The following NOS1AP variants were observed in gnomAD, a reference collection of about 807,000 sequenced individuals.
NOS1AP encodes carboxyl-terminal PDZ ligand of neuronal nitric oxide synthase protein.
NOS1AP carries 21 observed loss-of-function variants against 56.2 expected under a neutral mutation model. The observed-to-expected ratio is 0.37, with a 90% CI of 0.26 to 0.54. The LOEUF is 0.54. NOS1AP is among the 20% of genes least tolerant of loss of function. NOS1AP has a pLI of 0.84. For synonymous variants in NOS1AP, 270 were observed against 274.6 expected (o/e 0.98, Z 0.17); for missense variants, 522 against 657.8 (o/e 0.79, Z 2.26).
At chr1:162,243,637 C>T (rs1312518857) in intron 2 of NOS1AP, among the ~76,000 whole-genome samples, 1 of 152,136 alleles carries the variant, frequency 6.6e-6, no homozygotes, top group African/African-American at 2.4e-5. Context: ...TATGATTTCA[C>T]CAGAAATATC....
chr1:162,352,740 T>C (rs1205786518), intron 6 of NOS1AP, among the ~76,000 whole-genome samples: 1 of 151,778 alleles, frequency 6.6e-6, no homozygotes, highest in Non-Finnish European at 1.5e-5. Flanking sequence ...AATCCCATCA[T>C]GAGGACTGCA....
intron 1 of NOS1AP, among the ~76,000 whole-genome samples, chr1:162,077,681 G>A (rs578168314): frequency 4.6e-5 from 7 of 151,126 alleles, no homozygotes; most frequent in Non-Finnish European, 1.0e-4. Flanking sequence ...TCTTAATTAT[G>A]CCCTTCACTC....
At chr1:162,142,418 G>A (rs112133087) in intron 1 of NOS1AP, among the ~76,000 whole-genome samples, 20 of 152,022 alleles carry the variant, frequency 1.3e-4, no homozygotes, top group Non-Finnish European at 1.5e-4. Flanking sequence ...GTGTTTCTGC[G>A]TGTGTGTGTG....
rs370924836 is a variant in NOS1AP at position 162,232,526 on chromosome 1, T to C, written c.178-54818T>C. On this transcript the variant is annotated intron_variant, in intron 2 of 9. Transcript: ENST00000361897. ...TGAAGAGTGTTGTGATCTTCTTTTGTGCTTAGAGTGTGTGTGTGTGTGTGT... is the reference window on the plus strand; with the variant it reads ...TGAAGAGTGTTGTGATCTTCTTTTGCGCTTAGAGTGTGTGTGTGTGTGTGT... Among the ~76,000 whole-genome samples the C allele has an allele frequency of 3.8e-3, 565 of 147,244 alleles. 2 individuals carry two copies. The highest frequency in any genetic ancestry group is 0.014 in the African/African-American group (544 of 39,014).
chr1:162,195,405 A>G (rs1363351825), intron 2 of NOS1AP, among the ~76,000 whole-genome samples: 1 of 152,126 alleles, frequency 6.6e-6, no homozygotes, highest in East Asian at 1.9e-4. Flanking sequence ...GACCCTTGAA[A>G]ACACTAGTAA....
intron 1 of NOS1AP, among the ~76,000 whole-genome samples, chr1:162,147,730 G>A (rs1016351117): frequency 4.3e-4 from 65 of 152,354 alleles, no homozygotes; most frequent in African/African-American, 1.5e-3. Flanking sequence ...TGGAAGATAA[G>A]ATAGAACAGA....
At chr1:162,230,916 C>T (rs934351488) in intron 2 of NOS1AP, among the ~76,000 whole-genome samples, 5 of 152,086 alleles carry the variant, frequency 3.3e-5, no homozygotes, top group Non-Finnish European at 5.9e-5. Flanking sequence ...GTTGCTTTTA[C>T]CTTTTGGCTA....
intron 1 of NOS1AP, among the ~76,000 whole-genome samples, chr1:162,130,032 G>A (rs1648680301): frequency 6.6e-6 from 1 of 152,180 alleles, no homozygotes; most frequent in South Asian, 2.1e-4. Flanking sequence ...GAGATGCTGT[G>A]CTAGACTTTC....
chr1:162,090,381 A>G (rs1370602901), intron 1 of NOS1AP, among the ~76,000 whole-genome samples: 1 of 151,916 alleles, frequency 6.6e-6, no homozygotes, highest in Non-Finnish European at 1.5e-5. Context: ...AAAAAAAAAA[A>G]AGTCTGAGAA....
At chr1:162,106,142 C>T (rs2095626) in intron 1 of NOS1AP, among the ~76,000 whole-genome samples, 77,089 of 152,012 alleles carry the variant, frequency 0.51, 21,727 homozygotes, top group Non-Finnish European at 0.64. Context: ...TCTCCTGATA[C>T]GTGAGTTGCA....
intron 1 of NOS1AP, among the ~76,000 whole-genome samples, chr1:162,101,893 T>C (rs1294086746): frequency 6.6e-6 from 1 of 152,124 alleles, no homozygotes; most frequent in Non-Finnish European, 1.5e-5. Flanking sequence ...CAAACAAAGA[T>C]AATTTGACTT....
At chr1:162,301,669 G>A (rs1426119466) in intron 4 of NOS1AP, among the ~76,000 whole-genome samples, 2 of 152,350 alleles carry the variant, frequency 1.3e-5, no homozygotes, top group South Asian at 4.1e-4. Context: ...AGGAGCTCGA[G>A]TCATGGGTGT....
chr1:162,103,096 C>T (rs1326677165), intron 1 of NOS1AP, among the ~76,000 whole-genome samples: 1 of 152,108 alleles, frequency 6.6e-6, no homozygotes, highest in African/African-American at 2.4e-5. Context: ...CCTCTTAACA[C>T]TGTTTTAGCT....
chr1:162,195,949 C>A (rs1651792746), intron 2 of NOS1AP, among the ~76,000 whole-genome samples: 1 of 152,168 alleles, frequency 6.6e-6, no homozygotes, highest in African/African-American at 2.4e-5. Context: ...ACATAATTGG[C>A]TCTAAATAAA....
At chr1:162,241,763 A>G (rs895177540) in intron 2 of NOS1AP, among the ~76,000 whole-genome samples, 3 of 152,208 alleles carry the variant, frequency 2.0e-5, no homozygotes, top group Non-Finnish European at 2.9e-5. Context: ...CAGAGGAGAA[A>G]AGGGAAGGCA....
At chr1:162,162,386 CG>C (rs1650262741) in intron 2 of NOS1AP, among the ~76,000 whole-genome samples, 1 of 152,150 alleles carries the variant, frequency 6.6e-6, no homozygotes, top group Non-Finnish European at 1.5e-5. Flanking sequence ...GCATGGTGCA[CG>C]GTACTGAAGG....
intron 2 of NOS1AP, among the ~76,000 whole-genome samples, chr1:162,174,854 GGACTGT>G (rs1443689168): frequency 2.0e-5 from 3 of 152,106 alleles, no homozygotes; most frequent in Non-Finnish European, 4.4e-5. Context: ...AGGCTCCCCT[GGACTGT>G]GACTGTTTTT....
chr1:162,076,191 C>T (rs369962876), intron 1 of NOS1AP, among the ~76,000 whole-genome samples: 7 of 152,150 alleles, frequency 4.6e-5, no homozygotes, highest in African/African-American at 1.7e-4. Context: ...ATGCTCTTAG[C>T]TCCTCAGTGA....
chr1:162,235,580 T>C (rs890430504), intron 2 of NOS1AP, among the ~76,000 whole-genome samples: 6 of 152,180 alleles, frequency 3.9e-5, no homozygotes, highest in Non-Finnish European at 7.4e-5. Flanking sequence ...TGCGGAAACA[T>C]GCTGCATGGG....
Sources: allele counts gnomAD v4.1 joint callset (sites outside exome capture counted in the v4.1 genomes callset), GRCh38; gene constraint gnomAD v4.1.1; transcripts MANE v1.5; gene names NCBI Gene and HGNC (gene_info 2026-07-23, HGNC 2026-07-21).